The following TRPA1 variants were observed in gnomAD, a reference collection of about 807,000 sequenced individuals.
TRPA1 encodes the protein ankyrin-like with transmembrane domains 1.
Under a neutral mutation model 131.3 loss-of-function variants are expected in TRPA1, and 129 were observed. That is an observed-to-expected ratio of 0.98 (90% CI 0.85 to 1.14). The LOEUF (loss-of-function observed/expected upper bound fraction) is 1.14. TRPA1 is among the 50% of genes most tolerant of loss of function. The probability of loss-of-function intolerance (pLI) is 0.00; values close to 1 mark genes in which losing one functional copy is unlikely to be tolerated. For synonymous variants in TRPA1, 441 were observed against 451.7 expected, an observed-to-expected ratio of 0.98 and a Z score of 0.30; for missense variants, 1,304 against 1,354.2, an observed-to-expected ratio of 0.96 and a Z score of 0.58.
rs369839649 is a variant in TRPA1, at chr8:72,061,770, G to C, written c.808-9C>G. On this transcript the variant is annotated splice_polypyrimidine_tract_variant and intron_variant, in intron 6 of 26. Transcript: ENST00000262209. Reference sequence around the variant, plus strand: ...GCTGTGCACCTTCCCTTCTGTAAAGGGTTTTAATGCTAGAATCAATGTTTA... The same window carrying C: ...GCTGTGCACCTTCCCTTCTGTAAAGCGTTTTAATGCTAGAATCAATGTTTA... 2 of 1,613,516 alleles carry C rather than the reference G, an allele frequency of 1.2e-6. No homozygotes were observed. The highest frequency in any genetic ancestry group is 1.1e-5 in the South Asian group (1 of 91,060).
chr8:72,080,405 A>C (rs909613749), upstream of TRPA1, among the ~76,000 whole-genome samples: 85 of 151,686 alleles, frequency 5.6e-4, no homozygotes, highest in African/African-American at 2.0e-3. Flanking sequence ...TTTCTCACTT[A>C]CATTATTTTA....
At chr8:72,069,708 A>G (rs1190524996) in intron 2 of TRPA1, among the ~76,000 whole-genome samples, 1 of 151,998 alleles carries the variant, frequency 6.6e-6, no homozygotes, top group Admixed American at 6.6e-5. Context: ...TACTTCTCTG[A>G]ACCTCAGCTT....
Position 72,053,878 on chromosome 8 carries a change from G to C in TRPA1, c.1530-11C>G. 2 of 1,601,578 alleles carry C rather than the reference G, an allele frequency of 1.2e-6. No individual in the cohort carries two copies. Among genetic ancestry groups the C allele is most frequent in the Non-Finnish European group, 1.7e-6 (2 of 1,172,116 alleles). On this transcript the variant is annotated splice_polypyrimidine_tract_variant and intron_variant, in intron 12 of 26. Transcript: ENST00000262209. ...CAGCCATTGTGGTCACTGGTAAAGA[G>C]TTAAGAAAAGATGTGTGCATACACT... is the stretch of plus-strand genomic sequence containing the variant.
At chr8:72,089,443 A>G in the TRPA1 span, among the ~76,000 whole-genome samples, 1 of 152,084 alleles carries the variant, frequency 6.6e-6, no homozygotes, top group Non-Finnish European at 1.5e-5. Flanking sequence ...GCTATTTAAT[A>G]ATTTTATTAT....
At chr8:72,085,405 GTTATTTAT>G in the TRPA1 span, among the ~76,000 whole-genome samples, 7 of 151,398 alleles carry the variant, frequency 4.6e-5, no homozygotes, top group African/African-American at 1.7e-4. Flanking sequence ...TATATAATCA[GTTATTTAT>G]TTATATACTT....
At chr8:72,027,236 A>G (rs1444980863) in intron 24 of TRPA1, among the ~76,000 whole-genome samples, 1 of 152,166 alleles carries the variant, frequency 6.6e-6, no homozygotes, top group Non-Finnish European at 1.5e-5. Flanking sequence ...GATAAAATAC[A>G]TAGTGTGTCT....
Position 72,055,794 on chromosome 8 carries a change from T to C in TRPA1, c.1256A>G (p.Tyr419Cys), listed in dbSNP as rs765743123. 12 of 1,610,006 alleles carry C rather than the reference T, an allele frequency of 7.5e-6. No homozygotes were observed. Among genetic ancestry groups the C allele is most frequent in the Middle Eastern group, 1.7e-4 (1 of 6,052 alleles). Residue 419 changes from tyrosine (Y) to cysteine (C), a missense_variant, in exon 11 of 27, where the codon TAT becomes TGT. Physicochemically the swap from Tyr to Cys is radical, Grantham distance 194 (BLOSUM62 -2). Transcript: ENST00000262209. ...EDNDGCTPLH[Y>C]ACRQGGPGSV... ...ACCAGGGCCCCCCTGTCTACATGCATAATGTAGAGGAGTACACCCATCGTT... is the reference window on the plus strand; with the variant it reads ...ACCAGGGCCCCCCTGTCTACATGCACAATGTAGAGGAGTACACCCATCGTT...
the TRPA1 span, among the ~76,000 whole-genome samples, chr8:72,084,733 C>G: frequency 6.8e-6 from 1 of 146,108 alleles, no homozygotes; most frequent in Admixed American, 7.0e-5. Context: ...CTCACTGCAA[C>G]CTCTGCCTCC....
rs1805644618 is a variant in TRPA1 at position 72,055,581 on chromosome 8, A to G, written c.1384T>C (p.Cys462Arg). 6.2e-6 allele frequency: 10 copies of G among 1,613,426 alleles called. No homozygotes were observed. The highest frequency in any genetic ancestry group is 8.5e-6 in the Non-Finnish European group (10 of 1,179,580). The change falls in exon 12 of 27, where the codon TGT becomes CGT. Residue 462 changes from cysteine to arginine, a missense_variant. Transcript: ENST00000262209. Reference protein sequence around the residue: ...FAASYGRINTCQRLLQDISDT... With the variant: ...FAASYGRINTRQRLLQDISDT... Reference sequence around the variant, plus strand: ...CTTATGTCTTGTAGGAGCCTCTGACAGGTATTGATACGCCCATAACTTGGA... The same window carrying G: ...CTTATGTCTTGTAGGAGCCTCTGACGGGTATTGATACGCCCATAACTTGGA...
intron 16 of TRPA1, 79 bp from the exon 17 acceptor site, chr8:72,046,687 C>A (rs748997997): frequency 1.1e-5 from 8 of 717,812 alleles, no homozygotes; most frequent in South Asian, 1.8e-5. Flanking sequence ...TTGAAAAAAT[C>A]AAATACACAA....
intron 12 of TRPA1, chr8:72,054,110 T>G: frequency 1.9e-6 from 1 of 516,876 alleles, no homozygotes. Context: ...TATGAAAGTA[T>G]ATAAACACAT....
At chr8:72,059,551 T>C (rs890777648) in intron 7 of TRPA1, 113 bp from the exon 8 acceptor site, 8 of 658,696 alleles carry the variant, frequency 1.2e-5, no homozygotes, top group Non-Finnish European at 2.1e-5. Context: ...TAAAATAACA[T>C]GATAGAATGT....
intron 25 of TRPA1, among the ~76,000 whole-genome samples, chr8:72,024,461 C>T (rs1811511319): frequency 6.6e-6 from 1 of 152,080 alleles, no homozygotes; most frequent in Non-Finnish European, 1.5e-5. Context: ...AAAATGGTGA[C>T]TTGCACAGGC....
chr8:72,023,388 G>C lies in TRPA1; in HGVS notation c.3150-272C>G, dbSNP rs2129432284. On this transcript the variant is annotated intron_variant, in intron 26 of 26. Transcript: ENST00000262209. ...AGAGAAAGGTTAAGCAGATTGCCCAGGGTCACAGTTATTACGTACCTAGTT... is the reference window on the plus strand; with the variant it reads ...AGAGAAAGGTTAAGCAGATTGCCCACGGTCACAGTTATTACGTACCTAGTT... 1.2e-5 allele frequency: 6 copies of C among 521,054 alleles called. No individual in the cohort carries two copies. In the South Asian group the frequency reaches 1.2e-4, roughly 11 times the overall value. The allele number at this position is 521,054 out of a possible 1,614,324, so 32.3% of individuals were successfully genotyped here.
chr8:72,080,696 G>A, the TRPA1 span, among the ~76,000 whole-genome samples: 7 of 151,852 alleles, frequency 4.6e-5, no homozygotes, highest in Admixed American at 4.6e-4. Context: ...CCTTTGGGAA[G>A]ATATTTAATT....
At chr8:72,059,248 T>C (rs1805748064) in intron 8 of TRPA1, 142 bp downstream of exon 8, 6 of 620,824 alleles carry the variant, frequency 9.7e-6, no homozygotes. Context: ...CTTCCAAGTA[T>C]GTCAATCATC....
chr8:72,055,922 ATTCTG>A, intron 10 of TRPA1, 67 bp from the exon 11 acceptor site: 1 of 1,526,442 alleles, frequency 6.6e-7, no homozygotes, highest in Non-Finnish European at 9.0e-7. Flanking sequence ...TTTTCAAACT[ATTCTG>A]TAGGAAAATA....
Position 72,047,218 on chromosome 8 carries a change from G to A in TRPA1, c.1906-11C>T. 6.2e-7 allele frequency: 1 copy of A among 1,608,280 alleles called. No individual in the cohort carries two copies. The highest frequency in any genetic ancestry group is 1.7e-5 in the Admixed American group (1 of 59,830). ...GAAATCTAAAAGTACCTTTGAAAGA[G>A]AAAAACCAGCTAAGATATTGGGGCA... On this transcript the variant is annotated splice_polypyrimidine_tract_variant and intron_variant, in intron 15 of 26. Transcript: ENST00000262209.
chr8:72,064,820 T>TGCCAGAAGCAA (rs147052053), intron 4 of TRPA1, among the ~76,000 whole-genome samples: 1 of 151,894 alleles, frequency 6.6e-6, no homozygotes, highest in African/African-American at 2.4e-5. Flanking sequence ...GATGGAGCAC[T>TGCCAGAAGCAA]GAGGAAGTCA....
Sources: gnomAD v4.1 joint callset for allele counts (sites outside exome capture counted in the v4.1 genomes callset) on GRCh38, gnomAD v4.1.1 for gene constraint, MANE v1.5 for transcripts, NCBI Gene and HGNC (gene_info 2026-07-23, HGNC 2026-07-21) for gene names.